The following LIFR variants were observed in gnomAD, a reference collection of about 807,000 sequenced individuals.
LIFR encodes the protein leukemia inhibitory factor receptor.
Under a neutral mutation model 122.2 loss-of-function variants are expected in LIFR, and 84 were observed. The ratio of observed to expected loss-of-function variants is 0.69; its 90% confidence interval spans 0.58 to 0.82. The LOEUF (loss-of-function observed/expected upper bound fraction) is 0.82, where lower values mean the gene tolerates loss of function less well. Among genes scored for constraint, LIFR ranks in the 40% least tolerant of loss-of-function variants. The probability of loss-of-function intolerance (pLI) is 0.00; values close to 1 mark genes in which losing one functional copy is unlikely to be tolerated. For missense variants in LIFR, 1,294 were observed against 1,311.6 expected, an observed-to-expected ratio of 0.99 and a Z score of 0.21; for synonymous variants, 422 against 434.7, an observed-to-expected ratio of 0.97 and a Z score of 0.36.
chr5:38,543,833 T>C (rs1432101493), intron 1 of LIFR, among the ~76,000 whole-genome samples: 2 of 152,198 alleles, frequency 1.3e-5, no homozygotes, highest in African/African-American at 4.8e-5. Flanking sequence ...CAGATTTATA[T>C]GCCACTTTCT....
rs117814860 is a variant in LIFR, at chr5:38,519,669, T to C, written c.561+3750A>G. 3.3e-4 allele frequency among the ~76,000 whole-genome samples: 50 copies of C among 152,312 alleles called. 1 individual carries two copies. In the East Asian group the frequency reaches 9.5e-3, roughly 29 times the overall value. On this transcript the variant is annotated intron_variant, in intron 5 of 19. Transcript: ENST00000453190. The stretch of plus-strand genomic sequence containing the variant: ...ATCATTCTGTTACTAATAATATCTT[T>C]ACCTCCATGAGATCAGCTTTTTTAG...
In LIFR at chr5:38,475,409, C is replaced by T. The variant is rs948053630; in HGVS notation, c.*6186G>A. The T allele has an allele frequency of 1.0e-5, 2 of 197,074 alleles. No homozygotes were observed. Among genetic ancestry groups the T allele is most frequent in the East Asian group, 8.1e-5 (1 of 12,350 alleles). 12.2% of individuals were successfully genotyped at this position (197,074 alleles called of 1,614,324 possible). ...ATACGATTAAACATGATTTTAGGTA[C>T]AGCACATCACAACTGTTTATTCACC... is the stretch of plus-strand genomic sequence containing the variant. On this transcript the variant is annotated 3_prime_UTR_variant, in exon 20 of 20. Coordinates refer to ENST00000453190, the MANE Select transcript of LIFR (RefSeq NM_001127671.2).
Position 38,496,563 on chromosome 5 carries a change from T to C in LIFR, c.1704A>G (p.Ile568Met), listed in dbSNP as rs773168339. The change falls in exon 13 of 20, where the codon ATA becomes ATG. Residue 568 changes from isoleucine (I) to methionine (M), a missense_variant. Coordinates refer to ENST00000453190, the MANE Select transcript of LIFR (RefSeq NM_001127671.2). Reference sequence around the variant, plus strand: ...ATGAACACGATACATTGTAGGAAAGTATTTTTCCATTAGCTTCATTAATGG... The same window carrying C: ...ATGAACACGATACATTGTAGGAAAGCATTTTTCCATTAGCTTCATTAATGG... The part of the protein sequence containing the change: ...PLPINEANGK[I>M]LSYNVSCSSD... The C allele has an allele frequency of 6.2e-7, 1 of 1,613,596 alleles. No homozygotes were observed. Among genetic ancestry groups the C allele is most frequent in the Non-Finnish European group, 8.5e-7 (1 of 1,179,484 alleles).
Position 38,481,763 on chromosome 5 carries a change from T to C in LIFR, c.3126A>G (p.Pro1042=). 3 of 1,614,150 alleles carry C rather than the reference T, an allele frequency of 1.9e-6. No individual in the cohort carries two copies. Among genetic ancestry groups the C allele is most frequent in the East Asian group, 2.2e-5 (1 of 44,890 alleles). ...ANVNTWNLVS[P]DSPRSIDSNS... ...TGCTGTCTATGGATCTAGGAGAGTC[T>C]GGAGACACTAAATTCCATGTATTTA... The change falls in exon 20 of 20, where the codon CCA becomes CCG. Residue 1042 remains proline (P), a synonymous_variant. Transcript: ENST00000453190.
At chr5:38,544,250 A>T (rs1219261017) in intron 1 of LIFR, among the ~76,000 whole-genome samples, 4 of 152,034 alleles carry the variant, frequency 2.6e-5, no homozygotes, top group African/African-American at 7.3e-5. Flanking sequence ...ACCTTTCAAA[A>T]ACAGCCATCA....
intron 5 of LIFR, 61 bp downstream of exon 5, chr5:38,523,358 C>A (rs1289107124): frequency 6.9e-7 from 1 of 1,441,224 alleles, no homozygotes; most frequent in Non-Finnish European, 9.6e-7. Context: ...CTTAAGGCTT[C>A]TTAAAAAAAA....
intron 12 of LIFR, 113 bp downstream of exon 12, chr5:38,499,400 T>C: frequency 1.3e-6 from 1 of 755,362 alleles, no homozygotes; most frequent in Non-Finnish European, 2.4e-6. Flanking sequence ...TCACCAATAT[T>C]GCAACAAAAG....
intron 5 of LIFR, among the ~76,000 whole-genome samples, chr5:38,522,102 T>A (rs1165833461): frequency 6.6e-6 from 1 of 152,148 alleles, no homozygotes; most frequent in Non-Finnish European, 1.5e-5. Flanking sequence ...AGGAAGAGAT[T>A]GCTTTCAATG....
At chr5:38,485,478 T>A (rs902004583) in intron 17 of LIFR, 7 of 339,140 alleles carry the variant, frequency 2.1e-5, no homozygotes, top group African/African-American at 1.5e-4. Flanking sequence ...CTCCTTCACT[T>A]TTCCCTAGAT....
intron 2 of LIFR, among the ~76,000 whole-genome samples, chr5:38,600,718 C>T (rs139148754): frequency 2.7e-3 from 415 of 152,308 alleles, no homozygotes; most frequent in Non-Finnish European, 4.8e-3. Flanking sequence ...GATTATTGTT[C>T]AAATTTCTCC....
chr5:38,498,431 G>C (rs1745000487), intron 12 of LIFR, among the ~76,000 whole-genome samples: 1 of 152,040 alleles, frequency 6.6e-6, no homozygotes, highest in Non-Finnish European at 1.5e-5. Context: ...ACTCAAAGCT[G>C]TTTTCAGTGC....
chr5:38,556,633 C>T lies in LIFR; in HGVS notation c.-319G>A, dbSNP rs982623286. ...AACGGCCACCGCCACGGCCGAGTCG[C>T]TCCAGCCGGGACTGCGGCGCGCGGG... On this transcript the variant is annotated 5_prime_UTR_variant, in exon 1 of 20. Transcript: ENST00000453190. 1 of 148,084 alleles carries T rather than the reference C, an allele frequency of 6.8e-6. No homozygotes were observed. The highest frequency in any genetic ancestry group is 6.7e-5 in the Admixed American group (1 of 14,904). 9.2% of individuals were successfully genotyped at this position (148,084 alleles called of 1,614,324 possible).
At chr5:38,508,819 C>A (rs529397212) in intron 7 of LIFR, among the ~76,000 whole-genome samples, 1 of 151,966 alleles carries the variant, frequency 6.6e-6, no homozygotes, top group Non-Finnish European at 1.5e-5. Flanking sequence ...CTCCTGACCT[C>A]GTGATCCGCC....
rs750580644 is a variant in LIFR at position 38,482,179 on chromosome 5, T to A, written c.2710A>T (p.Thr904Ser). Reference protein sequence around the residue: ...ALKTLEMNPCTPNNVEVLETR... With the variant: ...ALKTLEMNPCSPNNVEVLETR... ...TCCAGAACCTCAACATTATTTGGGG[T>A]ACAAGGATTCATTTCCAATGTTTTA... The change falls in exon 20 of 20, where the codon ACC becomes TCC. Residue 904 changes from threonine to serine, a missense_variant. By Grantham distance (58) the Thr-to-Ser change is moderately conservative (BLOSUM62 1). Transcript: ENST00000453190. 1.3e-5 allele frequency: 21 copies of A among 1,595,316 alleles called. No individual in the cohort carries two copies. Among genetic ancestry groups the A allele is most frequent in the Non-Finnish European group, 1.7e-5 (20 of 1,175,182 alleles).
chr5:38,600,701 A>G (rs899249597), intron 2 of LIFR, among the ~76,000 whole-genome samples: 1 of 152,136 alleles, frequency 6.6e-6, no homozygotes, highest in Non-Finnish European at 1.5e-5. Flanking sequence ...TTGGTCCCCT[A>G]AAAGAAGATT....
chr5:38,580,575 C>T (rs1364561412), intron 1 of LIFR, among the ~76,000 whole-genome samples: 1 of 152,152 alleles, frequency 6.6e-6, no homozygotes, highest in Admixed American at 6.5e-5. Context: ...CTAGATCTGT[C>T]TCCACCCCAC....
chr5:38,509,273 T>TA (rs1346076219), intron 7 of LIFR, among the ~76,000 whole-genome samples: 2 of 152,316 alleles, frequency 1.3e-5, no homozygotes, highest in Middle Eastern at 3.4e-3. Flanking sequence ...GGTCTCAACT[T>TA]AGACTCCAGG....
At chr5:38,510,820 A>G in intron 6 of LIFR, 102 bp from the exon 7 acceptor site, 1 of 925,532 alleles carries the variant, frequency 1.1e-6, no homozygotes, top group Non-Finnish European at 1.7e-6. Flanking sequence ...CTTTTAAAAT[A>G]GCCCAGTATA....
At chr5:38,511,754 T>C (rs1344541944) in intron 6 of LIFR, 36 bp downstream of exon 6, 1 of 1,592,140 alleles carries the variant, frequency 6.3e-7, no homozygotes, top group South Asian at 1.1e-5. Context: ...CTAATTTAAT[T>C]CATCTGAAAC....
Sources: allele counts gnomAD v4.1 joint callset (sites outside exome capture counted in the v4.1 genomes callset), GRCh38; gene constraint gnomAD v4.1.1; transcripts MANE v1.5; gene names NCBI Gene and HGNC (gene_info 2026-07-23, HGNC 2026-07-21).